The following CHD2 variants were observed in gnomAD, a reference collection of about 807,000 sequenced individuals.
The protein encoded by CHD2 is chromodomain helicase DNA binding protein 2.
A neutral mutation model predicts 243.9 loss-of-function variants in CHD2; 28 were observed. The observed-to-expected ratio is 0.11, with a 90% CI of 0.09 to 0.16. The LOEUF is 0.16. Among genes scored for constraint, CHD2 ranks in the 10% least tolerant of loss-of-function variants. The probability of loss-of-function intolerance (pLI) is 1.00; values close to 1 mark genes in which losing one functional copy is unlikely to be tolerated. For synonymous variants in CHD2, 775 were observed against 779.0 expected, an observed-to-expected ratio of 0.99 and a Z score of 0.09; for missense variants, 1,386 against 2,209.8, an observed-to-expected ratio of 0.63 and a Z score of 7.47.
At chr15:92,995,156 C>CA (rs1354296251) in intron 28 of CHD2, among the ~76,000 whole-genome samples, 25 of 152,142 alleles carry the variant, frequency 1.6e-4, no homozygotes, top group African/African-American at 6.0e-4. Context: ...ATCACACTAA[C>CA]AATATAAAGT....
Position 93,027,235 on chromosome 15 carries a change from A to G in CHD2, c.*2530A>G, listed in dbSNP as rs2054593575. On this transcript the variant is annotated 3_prime_UTR_variant, in exon 39 of 39. Coordinates refer to ENST00000394196, the MANE Select transcript of CHD2 (RefSeq NM_001271.4). Reference sequence around the variant, plus strand: ...CACAGGTAAATTCTCTCACTTGTGAATGGGAGAAGCTGCCCCAGGAATCTG... The same window carrying G: ...CACAGGTAAATTCTCTCACTTGTGAGTGGGAGAAGCTGCCCCAGGAATCTG... The G allele has an allele frequency of 2.0e-5, 3 of 152,534 alleles. No individual in the cohort carries two copies. Among genetic ancestry groups the G allele is most frequent in the African/African-American group, 4.8e-5 (2 of 41,464 alleles). The allele number at this position is 152,534 out of a possible 1,614,324, so 9.4% of individuals were successfully genotyped here. A position where few individuals can be genotyped will look rare whatever the true frequency, so the allele number is the denominator to read the frequency against.
intron 10 of CHD2, 145 bp downstream of exon 10, chr15:92,944,660 GC>G: frequency 2.5e-6 from 1 of 403,008 alleles, no homozygotes; most frequent in Non-Finnish European, 4.5e-6. Flanking sequence ...AAGAAGATTT[GC>G]TGGTAAATTT....
At chr15:93,020,986 C>T (rs1270102114) in intron 38 of CHD2, 2 of 152,352 alleles carry the variant, frequency 1.3e-5, no homozygotes, top group African/African-American at 2.4e-5. Context: ...GACTGCCCCT[C>T]GCTCCCACCC....
chr15:92,937,783 C>T (rs866101314), intron 6 of CHD2, among the ~76,000 whole-genome samples, 158 bp downstream of exon 6: 4 of 152,228 alleles, frequency 2.6e-5, no homozygotes, highest in African/African-American at 7.2e-5. Context: ...GCCTACATTG[C>T]AGGTCTTACT....
chr15:92,998,488 T>C lies in CHD2; in HGVS notation c.3886-11T>C. On this transcript the variant is annotated splice_polypyrimidine_tract_variant and intron_variant, in intron 30 of 38. Transcript: ENST00000394196. This position sits in a 1 kb window ranked among gnomAD's most constrained non-coding sequence, Gnocchi z 5.1. ...GTGGTGGCGGGTGCTTCTCTTCCTTTCTTGTTGAAGATTCTGCCGGTGGAG... is the reference window on the plus strand; with the variant it reads ...GTGGTGGCGGGTGCTTCTCTTCCTTCCTTGTTGAAGATTCTGCCGGTGGAG... 6.2e-7 allele frequency: 1 copy of C among 1,613,746 alleles called. No individual in the cohort carries two copies. The highest frequency in any genetic ancestry group is 8.5e-7 in the Non-Finnish European group (1 of 1,179,806).
chr15:92,980,958 G>A (rs1280111565), intron 23 of CHD2, 47 bp downstream of exon 23: 1 of 1,281,646 alleles, frequency 7.8e-7, no homozygotes, highest in Non-Finnish European at 1.1e-6. Flanking sequence ...AGTATGATCT[G>A]TGAGAGTCTA....
At chr15:92,904,523 C>G (rs753444427) in intron 2 of CHD2, 7 of 996,660 alleles carry the variant, frequency 7.0e-6, no homozygotes, top group South Asian at 4.3e-5. Context: ...TTGGGACTTT[C>G]CGGTGGGCGG....
chr15:92,991,894 C>G (rs1284408779), intron 27 of CHD2: 1 of 162,194 alleles, frequency 6.2e-6, no homozygotes, highest in Admixed American at 6.4e-5. Context: ...GTAAAAGGCT[C>G]TTTATGATTT....
intron 26 of CHD2, among the ~76,000 whole-genome samples, chr15:92,986,125 G>A (rs1324162862): frequency 1.3e-5 from 2 of 152,074 alleles, no homozygotes; most frequent in Non-Finnish European, 2.9e-5. Context: ...TTTATAAGTA[G>A]TATGTACAGC....
intron 2 of CHD2, chr15:92,905,008 G>GGTCA (rs138192369): frequency 1.3e-6 from 2 of 1,535,530 alleles, no homozygotes; most frequent in Non-Finnish European, 1.7e-6. Flanking sequence ...GAAAAACTCA[G>GGTCA]GTCAGTATGT....
rs1397462820 is a variant in CHD2, at chr15:92,955,405, T to TA, written c.1720-17dup. The TA allele has an allele frequency of 1.3e-6, 2 of 1,492,932 alleles. No homozygotes were observed. Among genetic ancestry groups the TA allele is most frequent in the South Asian group, 2.5e-5 (2 of 78,468 alleles). 92.5% of individuals were successfully genotyped at this position (1,492,932 alleles called of 1,614,324 possible). A position where few individuals can be genotyped will look rare whatever the true frequency, so the allele number is the denominator to read the frequency against. On this transcript the variant is annotated splice_polypyrimidine_tract_variant and intron_variant, in intron 14 of 38. Coordinates refer to ENST00000394196, the MANE Select transcript of CHD2 (RefSeq NM_001271.4). ...GTAGAAGTAGAAATTATGTCTTAAT[T>TA]ATGTTTTTTTCTTATAGATACGGGA...
rs3064790 is a variant in CHD2, at chr15:92,961,876, C to CTTTTTTTTTTTTTTTTTTTT, written c.2000+5231_2000+5250dup. On this transcript the variant is annotated intron_variant, in intron 16 of 38. Transcript: ENST00000394196. ...GGTTTCTTCCTCTGTTTTTTCTTCT[C>CTTTTTTTTTTTTTTTTTTTT]TTTTTTTTTTTTTTTTTTTTTTTGA... Among the ~76,000 whole-genome samples the CTTTTTTTTTTTTTTTTTTTT allele has an allele frequency of 1.8e-4, 14 of 78,616 alleles. 1 individual carries two copies. The highest frequency in any genetic ancestry group is 1.1e-3 in the East Asian group (2 of 1,762). The allele number at this position is 78,616 out of a possible 152,430, so 51.6% of individuals were successfully genotyped here. A position where few individuals can be genotyped will look rare whatever the true frequency, so the allele number is the denominator to read the frequency against.
intron 13 of CHD2, among the ~76,000 whole-genome samples, chr15:92,949,495 T>C (rs1405836608): frequency 1.3e-5 from 2 of 152,192 alleles, no homozygotes; most frequent in Non-Finnish European, 2.9e-5. Context: ...ACAGTAGTGC[T>C]GTAGAGAGTG....
At chr15:92,903,747 A>C (rs373763166) in intron 2 of CHD2, among the ~76,000 whole-genome samples, 26 of 152,284 alleles carry the variant, frequency 1.7e-4, no homozygotes, top group African/African-American at 2.4e-4. Flanking sequence ...TGTGCACACA[A>C]AGAGTTCAGT....
chr15:92,965,311 C>CT (rs1206674207), intron 16 of CHD2: 3 of 152,046 alleles, frequency 2.0e-5, no homozygotes, highest in Non-Finnish European at 4.4e-5. Context: ...AATCCCAGCA[C>CT]TTTGGGAGGC....
In CHD2 at chr15:92,998,216, C is replaced by T. The variant is rs899341185; in HGVS notation, c.3886-283C>T. 3.7e-6 allele frequency: 4 copies of T among 1,089,318 alleles called. No individual in the cohort carries two copies. The highest frequency in any genetic ancestry group is 4.5e-6 in the Non-Finnish European group (4 of 895,284). The allele number at this position is 1,089,318 out of a possible 1,614,324, so 67.5% of individuals were successfully genotyped here. A position where few individuals can be genotyped will look rare whatever the true frequency, so the allele number is the denominator to read the frequency against. ...GCTGGGATGCTCTAGCAGATGAAGC[C>T]ACAAGCCCCTCCTACCTGAGTTGTT... On this transcript the variant is annotated intron_variant, in intron 30 of 38. Transcript: ENST00000394196. The surrounding 1 kb of genome is among the most constrained non-coding windows in gnomAD (Gnocchi z 5.1).
chr15:93,002,146 C>T, intron 32 of CHD2, 31 bp from the exon 33 acceptor site: 6 of 1,566,572 alleles, frequency 3.8e-6, no homozygotes, highest in South Asian at 1.2e-5. Flanking sequence ...AAATTTGTAG[C>T]AAAAATTCAT....
intron 36 of CHD2, 82 bp from the exon 37 acceptor site, chr15:93,014,614 G>A: frequency 3.2e-6 from 4 of 1,262,090 alleles, no homozygotes; most frequent in East Asian, 2.3e-5. Flanking sequence ...AGAAGGAGCT[G>A]TTTAGAGGTG....
At chr15:93,013,440 C>T (rs1193046612) in intron 36 of CHD2, among the ~76,000 whole-genome samples, 1 of 152,116 alleles carries the variant, frequency 6.6e-6, no homozygotes, top group Non-Finnish European at 1.5e-5. Flanking sequence ...AATAACAAAA[C>T]AGTATAAGCT....
Sources: gnomAD v4.1 joint callset for allele counts (sites outside exome capture counted in the v4.1 genomes callset) on GRCh38, gnomAD v4.1.1 for gene constraint, Gnocchi (gnomAD v3.1) non-coding constraint, MANE v1.5 for transcripts, NCBI Gene and HGNC (gene_info 2026-07-23, HGNC 2026-07-21) for gene names.